The following MYO5B variants were observed in gnomAD, a reference collection of about 807,000 sequenced individuals.
MYO5B encodes the protein myosin VB.
MYO5B carries 143 observed loss-of-function variants against 229.3 expected under a neutral mutation model. That is an observed-to-expected ratio of 0.62 (90% CI 0.54 to 0.72). The LOEUF is 0.72. Ranked by LOEUF, MYO5B falls within the 30% of genes least tolerant of loss-of-function variation. The pLI is 0.00. For missense variants in MYO5B, 2,321 were observed against 2,331.0 expected (o/e 1.00, Z 0.09); for synonymous variants, 918 against 885.2 (o/e 1.04, Z -0.66).
intron 1 of MYO5B, among the ~76,000 whole-genome samples, chr18:50,146,826 GAC>G (rs2032511081): frequency 6.6e-6 from 1 of 152,178 alleles, no homozygotes; most frequent in Non-Finnish European, 1.5e-5. Context: ...GCGTTGTGTA[GAC>G]ACAGAAAATA....
intron 1 of MYO5B, among the ~76,000 whole-genome samples, chr18:50,070,961 T>G (rs1289393499): frequency 6.6e-6 from 1 of 152,162 alleles, no homozygotes; most frequent in Non-Finnish European, 1.5e-5. Context: ...GCTGGGACAT[T>G]TGGGCCAATT....
intron 1 of MYO5B, among the ~76,000 whole-genome samples, chr18:50,139,909 A>G (rs1432279201): frequency 6.6e-6 from 1 of 152,216 alleles, no homozygotes. Context: ...CTACACATAA[A>G]TATACATTTA....
intron 12 of MYO5B, among the ~76,000 whole-genome samples, chr18:49,959,936 C>T (rs1204683824): frequency 6.6e-6 from 1 of 152,082 alleles, no homozygotes; most frequent in Non-Finnish European, 1.5e-5. Flanking sequence ...AACGGAGGAA[C>T]AATTTTAGTC....
intron 1 of MYO5B, among the ~76,000 whole-genome samples, chr18:50,183,316 T>TA (rs1232436160): frequency 2.2e-5 from 1 of 44,650 alleles, no homozygotes; most frequent in African/African-American, 6.2e-5. Context: ...CATATATATA[T>TA]ATATATATAT....
intron 1 of MYO5B, among the ~76,000 whole-genome samples, chr18:50,071,086 A>C (rs1017875631): frequency 6.6e-5 from 10 of 152,124 alleles, no homozygotes; most frequent in African/African-American, 2.4e-4. Context: ...GGCCTCCCCA[A>C]ATACTGAGAT....
At chr18:50,024,732 C>A (rs1331432175) in intron 4 of MYO5B, among the ~76,000 whole-genome samples, 1 of 152,140 alleles carries the variant, frequency 6.6e-6, no homozygotes, top group Non-Finnish European at 1.5e-5. Flanking sequence ...TTTCTCCTGG[C>A]CATGCTGCAC....
intron 17 of MYO5B, among the ~76,000 whole-genome samples, chr18:49,913,775 T>G (rs142971892): frequency 6.6e-6 from 1 of 152,012 alleles, no homozygotes; most frequent in African/African-American, 2.4e-5. Flanking sequence ...TATACCCATA[T>G]AAACTCCAAA....
chr18:49,914,028 C>A (rs992288436), intron 17 of MYO5B, among the ~76,000 whole-genome samples: 2 of 152,126 alleles, frequency 1.3e-5, no homozygotes, highest in Non-Finnish European at 2.9e-5. Context: ...TCAATAACCA[C>A]CCCCCAGCAA....
At chr18:49,894,094 AGGT>A (rs949555394) in intron 22 of MYO5B, among the ~76,000 whole-genome samples, 22 of 152,322 alleles carry the variant, frequency 1.4e-4, no homozygotes, top group African/African-American at 5.3e-4. Context: ...GGGGACTCCA[AGGT>A]CTACCGCAGG....
chr18:49,913,268 A>G (rs2024977616), intron 17 of MYO5B, among the ~76,000 whole-genome samples: 1 of 152,230 alleles, frequency 6.6e-6, no homozygotes, highest in Non-Finnish European at 1.5e-5. Context: ...CTTTCCAATG[A>G]GCAAATCTGC....
At chr18:49,967,520 A>G (rs962747895) in intron 10 of MYO5B, among the ~76,000 whole-genome samples, 1 of 152,212 alleles carries the variant, frequency 6.6e-6, no homozygotes. Flanking sequence ...CCTTTGGTAG[A>G]CTGAAAAGAT....
intron 14 of MYO5B, among the ~76,000 whole-genome samples, chr18:49,939,148 CTT>C (rs11313115): frequency 6.6e-4 from 79 of 119,034 alleles, no homozygotes; most frequent in South Asian, 1.7e-3. Flanking sequence ...TCTTTTTTTT[CTT>C]TTTTTTTTTT....
At chr18:50,090,162 T>G (rs999226930) in intron 1 of MYO5B, among the ~76,000 whole-genome samples, 1 of 152,078 alleles carries the variant, frequency 6.6e-6, no homozygotes, top group Non-Finnish European at 1.5e-5. Context: ...CCATGTTGTT[T>G]TATCTAAACC....
intron 4 of MYO5B, among the ~76,000 whole-genome samples, chr18:50,027,492 G>C (rs942772527): frequency 1.6e-4 from 24 of 152,190 alleles, no homozygotes; most frequent in Admixed American, 1.2e-3. Flanking sequence ...GAAGGAGCTT[G>C]ACCCGGGTGA....
chr18:49,904,284 T>C (rs966863347), intron 20 of MYO5B, among the ~76,000 whole-genome samples: 3 of 152,212 alleles, frequency 2.0e-5, no homozygotes, highest in East Asian at 1.9e-4. Flanking sequence ...AAAGAGCCAC[T>C]CTTGTGCTTC....
rs1250796355 is a variant in MYO5B at position 50,092,658 on chromosome 18, A to C, written c.28-37280T>G. Among the ~76,000 whole-genome samples the C allele has an allele frequency of 2.0e-5, 3 of 152,276 alleles. No homozygotes were observed. The East Asian group carries it at 5.8e-4, about 29-fold the overall frequency. On this transcript the variant is annotated intron_variant, in intron 1 of 39. Transcript: ENST00000285039. Reference sequence around the variant, plus strand: ...CTAGACCATAACTTTCAGGCTTTTCAACAGGGTGATATTCAATTTCCTAAA... The same window carrying C: ...CTAGACCATAACTTTCAGGCTTTTCCACAGGGTGATATTCAATTTCCTAAA...
intron 1 of MYO5B, among the ~76,000 whole-genome samples, chr18:50,098,331 C>T (rs2292381): frequency 0.22 from 34,144 of 151,926 alleles, 4,477 homozygotes; most frequent in African/African-American, 0.37. Flanking sequence ...AACTAGCAAT[C>T]GTTGCTTTGG....
chr18:50,191,174 G>A (rs1299327347), intron 1 of MYO5B, among the ~76,000 whole-genome samples: 1 of 152,224 alleles, frequency 6.6e-6, no homozygotes, highest in African/African-American at 2.4e-5. Context: ...GCTTCTCATA[G>A]TAAAGCACAA....
At chr18:50,189,154 C>T (rs1207960037) in intron 1 of MYO5B, among the ~76,000 whole-genome samples, 2 of 152,210 alleles carry the variant, frequency 1.3e-5, no homozygotes, top group Admixed American at 6.5e-5. Flanking sequence ...CCTTGAGATT[C>T]TCAACATCCA....
Sources: gnomAD v4.1 joint callset for allele counts (sites outside exome capture counted in the v4.1 genomes callset) on GRCh38, gnomAD v4.1.1 for gene constraint, MANE v1.5 for transcripts, NCBI Gene and HGNC (gene_info 2026-07-23, HGNC 2026-07-21) for gene names.